DOCK7: variants seen among roughly 807,000 people sequenced by gnomAD.
DOCK7 encodes the protein dedicator of cytokinesis 7, also known as dedicator of cytokinesis protein 7.
A neutral mutation model predicts 271.0 loss-of-function variants in DOCK7; 138 were observed. The ratio of observed to expected loss-of-function variants is 0.51; its 90% CI spans 0.44 to 0.59. The LOEUF (loss-of-function observed/expected upper bound fraction) is 0.59. Among genes scored for constraint, DOCK7 ranks in the 20% least tolerant of loss-of-function variants. The probability of loss-of-function intolerance (pLI) is 0.00; values close to 1 mark genes in which losing one functional copy is unlikely to be tolerated. For synonymous variants in DOCK7, 823 were observed against 876.1 expected, an observed-to-expected ratio of 0.94 and a Z score of 1.07; for missense variants, 2,066 against 2,592.4, an observed-to-expected ratio of 0.80 and a Z score of 4.41.
chr1:62,632,679 C>T (rs1239546361), intron 10 of DOCK7, among the ~76,000 whole-genome samples: 2 of 151,998 alleles, frequency 1.3e-5, no homozygotes, highest in Admixed American at 6.6e-5. Flanking sequence ...TAAGTTTATA[C>T]ACATTCTAGC....
chr1:62,592,504 CA>C (rs1201514637), intron 14 of DOCK7, among the ~76,000 whole-genome samples: 1 of 151,808 alleles, frequency 6.6e-6, no homozygotes, highest in Non-Finnish European at 1.5e-5. Context: ...ACCATAAACG[CA>C]GGAGGAAGAA....
chr1:62,610,368 G>C (rs1044026177), intron 14 of DOCK7, among the ~76,000 whole-genome samples: 1 of 151,980 alleles, frequency 6.6e-6, no homozygotes, highest in East Asian at 1.9e-4. Flanking sequence ...ACGTTCAGCT[G>C]AAATTTATAC....
chr1:62,577,270 A>C lies in DOCK7; in HGVS notation c.2104T>G (p.Ser702Ala). ...EKPPQAYSVLSPEVPLPGMKW... is the reference protein window; with the variant it reads ...EKPPQAYSVLAPEVPLPGMKW... ...ACATGGGAGACACTGACCTCAGGAGACAGTACAGAATAAGCCTGTGGTGGT... is the reference window on the plus strand; with the variant it reads ...ACATGGGAGACACTGACCTCAGGAGCCAGTACAGAATAAGCCTGTGGTGGT... The change falls in exon 18 of 50, where the codon TCT becomes GCT. Residue 702 changes from serine to alanine, a missense_variant. Transcript: ENST00000635253. The C allele has an allele frequency of 6.5e-7, 1 of 1,529,250 alleles. No individual in the cohort carries two copies. Among genetic ancestry groups the C allele is most frequent in the Admixed American group, 1.8e-5 (1 of 56,604 alleles). 94.7% of individuals were successfully genotyped at this position (1,529,250 alleles called of 1,614,324 possible). A position where few individuals can be genotyped will look rare whatever the true frequency, so the allele number is the denominator to read the frequency against.
Position 62,600,943 on chromosome 1 carries a change from C to T in DOCK7, c.1683-14319G>A. 17 of 638,930 alleles carry T rather than the reference C, an allele frequency of 2.7e-5. No homozygotes were observed. The South Asian group carries it at 3.1e-4, about 12-fold the overall frequency. The allele number at this position is 638,930 out of a possible 1,614,324, so 39.6% of individuals were successfully genotyped here. On this transcript the variant is annotated intron_variant, in intron 14 of 49. Transcript: ENST00000635253. ...CAGGTAATCTGTACAATCTGAATAA[C>T]ACTGTTTATCTAAATATCAAACACC...
In DOCK7 at chr1:62,505,815, G is replaced by C; in HGVS notation, c.4478C>G (p.Thr1493Ser). 6.2e-7 allele frequency: 1 copy of C among 1,607,764 alleles called. No individual in the cohort carries two copies. The part of the protein sequence containing the change: ...ILDTLEIVVQ[T>S]VSVTESKESI... ...CTCTTTGGATTCCGTTACAGAAACG[G>C]TCTGCAATTTAAAAATAAACAAATA... The change falls in exon 36 of 50, where the codon ACC (threonine) becomes AGC (serine). Residue 1493 changes from threonine to serine, a missense_variant and splice_region_variant. Physicochemically the swap from Thr to Ser is moderately conservative, Grantham distance 58 (BLOSUM62 1). Coordinates refer to ENST00000635253, the MANE Select transcript of DOCK7 (RefSeq NM_001367561.1).
intron 35 of DOCK7, among the ~76,000 whole-genome samples, chr1:62,506,670 G>A (rs1571329576): frequency 1.3e-5 from 2 of 151,728 alleles, no homozygotes; most frequent in African/African-American, 4.8e-5. Context: ...AGGGTTGGCT[G>A]GGTGCAGTGG....
At chr1:62,493,580 T>C (rs1042637624) in intron 40 of DOCK7, among the ~76,000 whole-genome samples, 1 of 152,220 alleles carries the variant, frequency 6.6e-6, no homozygotes, top group South Asian at 2.1e-4. Flanking sequence ...CCCCAATCTA[T>C]TTGTCTGGCC....
chr1:62,596,096 A>G (rs1248285140), intron 14 of DOCK7, among the ~76,000 whole-genome samples: 1 of 152,208 alleles, frequency 6.6e-6, no homozygotes, highest in African/African-American at 2.4e-5. Flanking sequence ...TACACAGGTT[A>G]AAAGTTAGTT....
At chr1:62,545,071 A>G (rs1227374513) in intron 22 of DOCK7, 32 bp from the exon 23 acceptor site, 1 of 1,475,638 alleles carries the variant, frequency 6.8e-7, no homozygotes, top group Admixed American at 2.1e-5. Flanking sequence ...GTTTGAAAGG[A>G]AAGAAATATT....
intron 7 of DOCK7, among the ~76,000 whole-genome samples, chr1:62,640,279 C>T (rs936881627): frequency 5.9e-5 from 9 of 151,938 alleles, no homozygotes; most frequent in African/African-American, 2.2e-4. Context: ...TTTGGGAGGC[C>T]GAGGCAGGTG....
At chr1:62,592,021 G>A (rs989538563) in intron 14 of DOCK7, among the ~76,000 whole-genome samples, 1 of 152,078 alleles carries the variant, frequency 6.6e-6, no homozygotes, top group Non-Finnish European at 1.5e-5. Context: ...TAGGAGTTTA[G>A]ATTCCAGGTT....
chr1:62,488,718 C>T (rs1571265200), intron 42 of DOCK7: 1 of 568,376 alleles, frequency 1.8e-6, no homozygotes, highest in East Asian at 3.5e-5. Flanking sequence ...AAAAGCTATG[C>T]AGAAAGTTTA....
rs1662096099 is a variant in DOCK7, at chr1:62,688,299, G to GCGGCGGGCCGGGTGCGGAC, written c.-54_-36dup. 8.1e-7 allele frequency: 1 copy of GCGGCGGGCCGGGTGCGGAC among 1,229,828 alleles called. No individual in the cohort carries two copies. Among genetic ancestry groups the GCGGCGGGCCGGGTGCGGAC allele is most frequent in the Non-Finnish European group, 1.0e-6 (1 of 982,518 alleles). The allele number at this position is 1,229,828 out of a possible 1,614,324, so 76.2% of individuals were successfully genotyped here. On this transcript the variant is annotated 5_prime_UTR_variant, in exon 1 of 50. Coordinates refer to ENST00000635253, the MANE Select transcript of DOCK7 (RefSeq NM_001367561.1). ...GGCGACGGCGACGGCGGCGGCGGCTGCGGCGGGCCGGGTGCGGACCGGCGG... is the reference window on the plus strand; with the variant it reads ...GGCGACGGCGACGGCGGCGGCGGCTGCGGCGGGCCGGGTGCGGACCGGCGGGCCGGGTGCGGACCGGCGG...
Position 62,647,635 on chromosome 1 carries a change from T to C in DOCK7, c.818+56A>G, listed in dbSNP as rs1412348560. The C allele has an allele frequency of 2.4e-6, 3 of 1,240,828 alleles. No individual in the cohort carries two copies. In the African/African-American group the frequency reaches 4.5e-5, roughly 19 times the overall value. 76.9% of individuals were successfully genotyped at this position (1,240,828 alleles called of 1,614,324 possible). A position where few individuals can be genotyped will look rare whatever the true frequency, so the allele number is the denominator to read the frequency against. On this transcript the variant is annotated intron_variant, in intron 7 of 49. Transcript: ENST00000635253. ...ATCTACTCAGATTTTGTTACATCACTACTAAAATTTTATCCTGGAAAATAA... is the reference window on the plus strand; with the variant it reads ...ATCTACTCAGATTTTGTTACATCACCACTAAAATTTTATCCTGGAAAATAA...
chr1:62,643,101 TGGGAAAAGCATA>T (rs557088053), intron 7 of DOCK7, among the ~76,000 whole-genome samples: 348 of 152,244 alleles, frequency 2.3e-3, no homozygotes, highest in African/African-American at 8.0e-3. Context: ...CACTGGACAA[TGGGAAAAGCATA>T]GCTACTTTCC....
At chr1:62,612,559 A>T (rs1430491611) in intron 14 of DOCK7, among the ~76,000 whole-genome samples, 1 of 152,190 alleles carries the variant, frequency 6.6e-6, no homozygotes, top group Non-Finnish European at 1.5e-5. Context: ...TTAAAAAAAA[A>T]ATTAATCTGT....
chr1:62,554,689 T>G (rs781564396), intron 21 of DOCK7, among the ~76,000 whole-genome samples: 2 of 152,090 alleles, frequency 1.3e-5, no homozygotes, highest in Non-Finnish European at 2.9e-5. Context: ...CAGGTCAGCA[T>G]GTAAAAAAAA....
chr1:62,553,348 ATATATATTTTTTTTTTTTTTTTTT>A lies in DOCK7; in HGVS notation c.2597-471_2597-448del, dbSNP rs1305030730. Reference sequence around the variant, plus strand: ...TATATATATATATATATATATATATATATATATTTTTTTTTTTTTTTTTTTTTTTTTTTTTTTAATAGGCAGGTG... The same window carrying A: ...TATATATATATATATATATATATATATTTTTTTTTTTTTAATAGGCAGGTG... On this transcript the variant is annotated intron_variant, in intron 21 of 49. Transcript: ENST00000635253. Among the ~76,000 whole-genome samples the A allele has an allele frequency of 9.2e-3, 209 of 22,614 alleles. 4 individuals are homozygous for A. The highest frequency in any genetic ancestry group is 0.025 in the East Asian group (14 of 566). The allele number at this position is 22,614 out of a possible 152,430, so 14.8% of individuals were successfully genotyped here. A position where few individuals can be genotyped will look rare whatever the true frequency, so the allele number is the denominator to read the frequency against.
chr1:62,634,679 AAGGTC>A, intron 9 of DOCK7, 89 bp downstream of exon 9: 3 of 1,291,934 alleles, frequency 2.3e-6, no homozygotes, highest in Non-Finnish European at 2.2e-6. Context: ...AAAATATGTA[AAGGTC>A]AAATCTTTGC....
Sources: gnomAD v4.1 joint callset for allele counts (sites outside exome capture counted in the v4.1 genomes callset) on GRCh38, gnomAD v4.1.1 for gene constraint, MANE v1.5 for transcripts, NCBI Gene and HGNC (gene_info 2026-07-23, HGNC 2026-07-21) for gene names.